Variants in TMEM45A observed in about 807,000 individuals in gnomAD.
The protein encoded by TMEM45A is DNA polymerase-transactivated protein 4.
TMEM45A carries 25 observed loss-of-function variants against 32.0 expected under a neutral mutation model. The observed-to-expected ratio is 0.78, with a 90% confidence interval of 0.57 to 1.09. TMEM45A has a LOEUF of 1.09. Among genes scored for constraint, TMEM45A ranks in the 50% least tolerant of loss-of-function variants. TMEM45A has a pLI of 0.00. For missense variants in TMEM45A, 302 were observed against 325.0 expected, an observed-to-expected ratio of 0.93 and a Z score of 0.54; for synonymous variants, 122 against 114.8, an observed-to-expected ratio of 1.06 and a Z score of -0.40.
intron 1 of TMEM45A, among the ~76,000 whole-genome samples, chr3:100,551,538 G>A (rs974940973): frequency 6.6e-6 from 1 of 152,152 alleles, no homozygotes; most frequent in Non-Finnish European, 1.5e-5. Context: ...CTTTTACAAG[G>A]AGTAAGTTGC....
intron 5 of TMEM45A, chr3:100,571,305 T>G (rs371779898): frequency 1.3e-5 from 2 of 152,174 alleles, no homozygotes; most frequent in African/African-American, 2.4e-5. Flanking sequence ...GCTGTAGATA[T>G]GCCTAAATGT....
chr3:100,573,583 T>C (rs1457278402), intron 5 of TMEM45A: 9 of 152,166 alleles, frequency 5.9e-5, no homozygotes, highest in African/African-American at 2.2e-4. Context: ...CCTAATTGAA[T>C]ACCCTTTATT....
chr3:100,521,289 C>T (rs1022444897), intron 1 of TMEM45A, among the ~76,000 whole-genome samples: 25 of 151,434 alleles, frequency 1.7e-4, no homozygotes, highest in African/African-American at 5.6e-4. Context: ...ACCGAGTTTC[C>T]AGTTGCCCAG....
At chr3:100,549,709 T>A (rs1706053876) in intron 1 of TMEM45A, among the ~76,000 whole-genome samples, 1 of 152,226 alleles carries the variant, frequency 6.6e-6, no homozygotes, top group Admixed American at 6.5e-5. Context: ...CATCTGCTTT[T>A]CCCTCTTGAG....
chr3:100,576,538 T>C lies in TMEM45A; in HGVS notation c.735-387T>C, dbSNP rs550165124. Among the ~76,000 whole-genome samples the C allele has an allele frequency of 5.3e-5, 8 of 152,128 alleles. No individual in the cohort carries two copies. The South Asian group carries it at 1.5e-3, about 28-fold the overall frequency. On this transcript the variant is annotated intron_variant, in intron 5 of 5. Transcript: ENST00000323523. ...AGGAGGCTGAGGCAGGAGGATTGCT[T>C]GAACCTGGGAGGTGGAGGTTGCAGT...
chr3:100,511,103 G>C (rs1249730571), intron 1 of TMEM45A, among the ~76,000 whole-genome samples: 4 of 150,096 alleles, frequency 2.7e-5, no homozygotes, highest in Admixed American at 6.7e-5. Flanking sequence ...CCAACATTCA[G>C]ATTCAGGAAA....
intron 4 of TMEM45A, among the ~76,000 whole-genome samples, chr3:100,565,502 G>A (rs879390885): frequency 2.6e-5 from 4 of 151,854 alleles, no homozygotes; most frequent in South Asian, 2.1e-4. Context: ...TTTATTAGAC[G>A]TGTAATCATG....
At chr3:100,499,691 A>G (rs1422059030) in intron 1 of TMEM45A, among the ~76,000 whole-genome samples, 1 of 152,200 alleles carries the variant, frequency 6.6e-6, no homozygotes, top group Non-Finnish European at 1.5e-5. Context: ...AGCCTAAGCA[A>G]CATAGCGAAA....
chr3:100,492,981 C>T (rs900107047), intron 1 of TMEM45A, 53 bp downstream of exon 1: 6 of 152,090 alleles, frequency 3.9e-5, no homozygotes, highest in African/African-American at 1.4e-4. Context: ...TGATCTCTAT[C>T]CTGTGTCTTT....
chr3:100,514,285 T>C (rs923905034), intron 1 of TMEM45A, among the ~76,000 whole-genome samples: 2 of 151,866 alleles, frequency 1.3e-5, no homozygotes, highest in East Asian at 1.9e-4. Flanking sequence ...GAGATATAGA[T>C]GAATGGAACA....
intron 1 of TMEM45A, among the ~76,000 whole-genome samples, chr3:100,500,753 T>C (rs1707998803): frequency 6.6e-6 from 1 of 152,230 alleles, no homozygotes; most frequent in Non-Finnish European, 1.5e-5. Context: ...ATGCAAAGAT[T>C]GCTATCTTCT....
intron 4 of TMEM45A, among the ~76,000 whole-genome samples, chr3:100,565,746 A>C (rs1471612093): frequency 6.6e-6 from 1 of 152,162 alleles, no homozygotes; most frequent in Non-Finnish European, 1.5e-5. Flanking sequence ...GTTATCTATT[A>C]TCTCTCTATC....
intron 1 of TMEM45A, among the ~76,000 whole-genome samples, chr3:100,517,375 C>G (rs1028101017): frequency 6.6e-6 from 1 of 152,146 alleles, no homozygotes; most frequent in Non-Finnish European, 1.5e-5. Context: ...CATAAGCCAC[C>G]GCACCCGGCT....
intron 1 of TMEM45A, among the ~76,000 whole-genome samples, chr3:100,496,334 C>G (rs574781660): frequency 6.6e-6 from 1 of 152,322 alleles, no homozygotes; most frequent in South Asian, 2.1e-4. Context: ...TCCTCACATC[C>G]TCCTGTGAGG....
At chr3:100,520,521 C>A (rs982367596) in intron 1 of TMEM45A, among the ~76,000 whole-genome samples, 2 of 152,150 alleles carry the variant, frequency 1.3e-5, no homozygotes, top group Non-Finnish European at 2.9e-5. Context: ...GGAAATGATA[C>A]CTTCTGCTCT....
intron 1 of TMEM45A, among the ~76,000 whole-genome samples, chr3:100,520,912 A>C (rs1388627838): frequency 6.6e-6 from 1 of 152,168 alleles, no homozygotes; most frequent in Non-Finnish European, 1.5e-5. Flanking sequence ...GGGACCTGGA[A>C]GCAACCTTTG....
chr3:100,505,819 G>A (rs1708071831), intron 1 of TMEM45A, among the ~76,000 whole-genome samples: 3 of 152,176 alleles, frequency 2.0e-5, no homozygotes, highest in African/African-American at 7.2e-5. Context: ...GCGTACACTC[G>A]GACTGCTCCA....
At chr3:100,501,163 C>T (rs1708003147) in intron 1 of TMEM45A, among the ~76,000 whole-genome samples, 1 of 152,190 alleles carries the variant, frequency 6.6e-6, no homozygotes, top group East Asian at 1.9e-4. Flanking sequence ...GAAAATTTGT[C>T]TGATTTTAGT....
chr3:100,492,754 T>C lies in TMEM45A; in HGVS notation c.-178T>C, dbSNP rs1442098028. On this transcript the variant is annotated 5_prime_UTR_variant, in exon 1 of 6. Transcript: ENST00000323523. ...GCGACTAGGGACCCAAGTTTAAAAA[T>C]TCCTCCCCCCACCCAATGCGAGACG... 1.4e-4 allele frequency: 17 copies of C among 123,772 alleles called. No individual in the cohort carries two copies. Among genetic ancestry groups the C allele is most frequent in the Admixed American group, 8.2e-4 (11 of 13,366 alleles). 7.7% of individuals were successfully genotyped at this position (123,772 alleles called of 1,614,324 possible).
Sources: gnomAD v4.1 joint callset for allele counts (sites outside exome capture counted in the v4.1 genomes callset) on GRCh38, gnomAD v4.1.1 for gene constraint, MANE v1.5 for transcripts, NCBI Gene and HGNC (gene_info 2026-07-23, HGNC 2026-07-21) for gene names.